The following NTM variants were observed in gnomAD, a reference collection of about 807,000 sequenced individuals.
NTM encodes the protein neurotrimin, also known as IgLON family member 2.
In NTM, 13 loss-of-function variants were observed where a neutral mutation model predicts 42.1. The ratio of observed to expected loss-of-function variants is 0.31; its 90% CI spans 0.20 to 0.49. NTM has a LOEUF of 0.49. Among genes scored for constraint, NTM ranks in the 20% least tolerant of loss-of-function variants. The probability of loss-of-function intolerance (pLI) is 0.99; values close to 1 mark genes in which losing one functional copy is unlikely to be tolerated. For missense variants in NTM, 373 were observed against 452.8 expected, an observed-to-expected ratio of 0.82 and a Z score of 1.60; for synonymous variants, 187 against 179.2, an observed-to-expected ratio of 1.04 and a Z score of -0.35.
rs1023452363 is a variant in NTM at position 132,336,171 on chromosome 11, A to C, written c.*1025A>C. Reference sequence around the variant, plus strand: ...CTTCCTTTGATGACATATATTATACAGTATATATATACATATATTTTTTTT... The same window carrying C: ...CTTCCTTTGATGACATATATTATACCGTATATATATACATATATTTTTTTT... On this transcript the variant is annotated 3_prime_UTR_variant, in exon 9 of 9. Transcript: ENST00000683400. The C allele has an allele frequency of 6.6e-6, 1 of 152,564 alleles. No homozygotes were observed. Among genetic ancestry groups the C allele is most frequent in the South Asian group, 2.1e-4 (1 of 4,822 alleles). The allele number at this position is 152,564 out of a possible 1,614,324, so 9.5% of individuals were successfully genotyped here. A position where few individuals can be genotyped will look rare whatever the true frequency, so the allele number is the denominator to read the frequency against.
chr11:131,657,676 C>T (rs1267062948), intron 1 of NTM, among the ~76,000 whole-genome samples: 4 of 152,216 alleles, frequency 2.6e-5, no homozygotes, highest in African/African-American at 4.8e-5. Context: ...TATCTCTTAT[C>T]GCTGGAATCC....
rs77108375 is a variant in NTM at position 131,967,173 on chromosome 11, C to T, written c.167+55525C>T. On this transcript the variant is annotated intron_variant, in intron 2 of 8. Coordinates refer to ENST00000683400, the MANE Select transcript of NTM (RefSeq NM_001352005.2). ...CAGGTGAATATAAAAGAGGCTGGCA[C>T]GGAAGAGTGATGTCTTGTAGGAGAT... Among the ~76,000 whole-genome samples the T allele has an allele frequency of 1.6e-3, 248 of 152,080 alleles. 2 individuals are homozygous for T. Among genetic ancestry groups the T allele is most frequent in the Non-Finnish European group, 2.6e-3 (176 of 67,984 alleles).
At chr11:131,415,095 C>T (rs939008895) in intron 1 of NTM, among the ~76,000 whole-genome samples, 1 of 152,108 alleles carries the variant, frequency 6.6e-6, no homozygotes, top group African/African-American at 2.4e-5. Flanking sequence ...AATAGCAGGC[C>T]ATCTGGAGAG....
At chr11:131,959,400 G>T (rs112142458) in intron 2 of NTM, among the ~76,000 whole-genome samples, 2,702 of 152,222 alleles carry the variant, frequency 0.018, 70 homozygotes, top group African/African-American at 0.058. Flanking sequence ...GGCCGAGGTG[G>T]GAGGATCACT....
At chr11:131,677,469 G>T (rs1309893896) in intron 1 of NTM, among the ~76,000 whole-genome samples, 1 of 152,182 alleles carries the variant, frequency 6.6e-6, no homozygotes, top group African/African-American at 2.4e-5. Flanking sequence ...TGAAAAACTT[G>T]TGAGGAAAAC....
At chr11:131,430,033 T>C (rs903029141) in intron 1 of NTM, among the ~76,000 whole-genome samples, 6 of 152,228 alleles carry the variant, frequency 3.9e-5, no homozygotes, top group African/African-American at 1.4e-4. Flanking sequence ...GCTCCAAAGC[T>C]ATTTGCTGGC....
chr11:132,325,815 C>T (rs1039185136), intron 7 of NTM, among the ~76,000 whole-genome samples: 1 of 152,164 alleles, frequency 6.6e-6, no homozygotes, highest in African/African-American at 2.4e-5. Flanking sequence ...GGCACATATA[C>T]ACCACGGAAT....
intron 2 of NTM, among the ~76,000 whole-genome samples, chr11:132,057,502 A>G (rs1028766127): frequency 2.0e-5 from 3 of 152,064 alleles, no homozygotes; most frequent in East Asian, 3.9e-4. Flanking sequence ...AATACTTGCA[A>G]TTTTTCCTAC....
intron 2 of NTM, among the ~76,000 whole-genome samples, chr11:132,060,356 C>A (rs1256316833): frequency 6.6e-6 from 1 of 152,154 alleles, no homozygotes; most frequent in Non-Finnish European, 1.5e-5. Flanking sequence ...AGACATTATC[C>A]TCCAAAATAC....
intron 1 of NTM, among the ~76,000 whole-genome samples, chr11:131,376,564 G>A (rs952710068): frequency 1.2e-4 from 19 of 152,094 alleles, no homozygotes; most frequent in African/African-American, 2.4e-5. Flanking sequence ...TTTCATTGCG[G>A]AGAAGAGCGT....
At chr11:131,386,953 A>G (rs1338248177) in intron 1 of NTM, among the ~76,000 whole-genome samples, 1 of 152,160 alleles carries the variant, frequency 6.6e-6, no homozygotes, top group Non-Finnish European at 1.5e-5. Flanking sequence ...CTTTTTAAGG[A>G]ATTAAAAAGA....
chr11:131,845,502 C>A (rs1565622375), intron 1 of NTM, among the ~76,000 whole-genome samples: 1 of 152,062 alleles, frequency 6.6e-6, no homozygotes, highest in Non-Finnish European at 1.5e-5. Flanking sequence ...CTCCCCCAGC[C>A]CTACTAAACC....
intron 2 of NTM, among the ~76,000 whole-genome samples, chr11:132,056,400 G>A (rs73030380): frequency 6.6e-6 from 1 of 152,284 alleles, no homozygotes; most frequent in Non-Finnish European, 1.5e-5. Context: ...GCAGAGAGAT[G>A]TCCAATACCT....
chr11:132,105,043 C>T (rs2062177511), intron 2 of NTM, among the ~76,000 whole-genome samples: 2 of 141,696 alleles, frequency 1.4e-5, no homozygotes, highest in African/African-American at 5.3e-5. Context: ...ACAAGGAAGC[C>T]CATCTCTGAT....
chr11:132,062,146 A>C (rs927643450), intron 2 of NTM, among the ~76,000 whole-genome samples: 1 of 152,166 alleles, frequency 6.6e-6, no homozygotes, highest in African/African-American at 2.4e-5. Flanking sequence ...ACTTGGAAGT[A>C]ATTTACCACC....
At chr11:131,596,420 G>T (rs185342426) in intron 1 of NTM, among the ~76,000 whole-genome samples, 1 of 152,224 alleles carries the variant, frequency 6.6e-6, no homozygotes, top group Non-Finnish European at 1.5e-5. Flanking sequence ...AATGGCAGTG[G>T]CTGTGCTCCA....
intron 1 of NTM, among the ~76,000 whole-genome samples, chr11:131,371,895 G>A (rs1300050070): frequency 6.6e-6 from 1 of 152,216 alleles, no homozygotes; most frequent in African/African-American, 2.4e-5. Flanking sequence ...CAGGGCTCCG[G>A]GAGGAGGAGC....
chr11:131,592,154 A>G (rs138858124), intron 1 of NTM, among the ~76,000 whole-genome samples: 1 of 152,310 alleles, frequency 6.6e-6, no homozygotes, highest in African/African-American at 2.4e-5. Context: ...TTAACTTAGT[A>G]TTTGTCAAAG....
At chr11:132,043,747 C>T (rs1476957493) in intron 2 of NTM, among the ~76,000 whole-genome samples, 1 of 152,144 alleles carries the variant, frequency 6.6e-6, no homozygotes, top group African/African-American at 2.4e-5. Flanking sequence ...TGGGGACTTA[C>T]CATTGTCGAG....
Sources: allele counts gnomAD v4.1 joint callset (sites outside exome capture counted in the v4.1 genomes callset), GRCh38; gene constraint gnomAD v4.1.1; transcripts MANE v1.5; gene names NCBI Gene and HGNC (gene_info 2026-07-23, HGNC 2026-07-21).